Variants in GALNT11 observed in about 807,000 individuals in gnomAD.
The protein encoded by GALNT11 is polypeptide N-acetylgalactosaminyltransferase 11, also known as UDP-GalNAc:polypeptide N-acetylgalactosaminyltransferase 11.
GALNT11 carries 47 observed loss-of-function variants against 72.7 expected under a neutral mutation model. That is an observed-to-expected ratio of 0.65 (90% CI 0.51 to 0.82). GALNT11 has a LOEUF of 0.82. Ranked by LOEUF, GALNT11 falls within the 40% of genes least tolerant of loss-of-function variation. The probability of loss-of-function intolerance (pLI) is 0.00; values close to 1 mark genes in which losing one functional copy is unlikely to be tolerated. For synonymous variants in GALNT11, 270 were observed against 286.6 expected (o/e 0.94, Z 0.58); for missense variants, 677 against 778.4 (o/e 0.87, Z 1.55).
chr7:152,105,606 C>T (rs1383991460), intron 5 of GALNT11, among the ~76,000 whole-genome samples: 1 of 152,226 alleles, frequency 6.6e-6, no homozygotes, highest in Non-Finnish European at 1.5e-5. Context: ...ATTTTCATAG[C>T]AACCCTTCTT....
intron 2 of GALNT11, among the ~76,000 whole-genome samples, chr7:152,099,545 T>TG (rs1374735457): frequency 7.4e-6 from 1 of 135,068 alleles, no homozygotes; most frequent in African/African-American, 2.8e-5. Flanking sequence ...TTTTTTTTTT[T>TG]TTTTTTTTTT....
intron 1 of GALNT11, among the ~76,000 whole-genome samples, chr7:152,083,961 T>C (rs1178152109): frequency 6.6e-6 from 1 of 152,216 alleles, no homozygotes; most frequent in Non-Finnish European, 1.5e-5. Flanking sequence ...TTGATATTCA[T>C]AAATGAGACT....
chr7:152,066,533 C>G (rs181040017), intron 1 of GALNT11, among the ~76,000 whole-genome samples: 1 of 152,216 alleles, frequency 6.6e-6, no homozygotes, highest in Non-Finnish European at 1.5e-5. Context: ...GCGTCACTCA[C>G]GCTGGGAGCT....
chr7:152,100,121 C>G (rs903854556), intron 2 of GALNT11, among the ~76,000 whole-genome samples: 1 of 151,748 alleles, frequency 6.6e-6, no homozygotes, highest in African/African-American at 2.4e-5. Flanking sequence ...TCGCCTTTTT[C>G]TGGGGAGGGA....
At chr7:152,079,000 G>A (rs749700755) in intron 1 of GALNT11, among the ~76,000 whole-genome samples, 8 of 151,984 alleles carry the variant, frequency 5.3e-5, no homozygotes, top group Non-Finnish European at 8.8e-5. Context: ...CTCCCTTGCC[G>A]ACTGGGAAGA....
intron 1 of GALNT11, among the ~76,000 whole-genome samples, chr7:152,051,480 T>G (rs2083404973): frequency 6.6e-6 from 1 of 152,144 alleles, no homozygotes; most frequent in South Asian, 2.1e-4. Flanking sequence ...GTTTTGCTTA[T>G]TTTTAGCATC....
chr7:152,029,496 C>G (rs887326385), intron 1 of GALNT11, among the ~76,000 whole-genome samples: 2 of 152,170 alleles, frequency 1.3e-5, no homozygotes, highest in Admixed American at 1.3e-4. Context: ...ACACTGTTAA[C>G]TTTTAGCAAA....
intron 1 of GALNT11, among the ~76,000 whole-genome samples, chr7:152,047,687 C>CGTGT (rs141152865): frequency 0.033 from 4,904 of 147,100 alleles, 255 homozygotes; most frequent in African/African-American, 0.12. Flanking sequence ...ACAGTGACAC[C>CGTGT]GTGTGTGTGT....
chr7:152,087,038 T>C (rs762347535), intron 1 of GALNT11, among the ~76,000 whole-genome samples: 6 of 151,270 alleles, frequency 4.0e-5, no homozygotes, highest in Non-Finnish European at 7.4e-5. Flanking sequence ...TTTTTTCATT[T>C]ATTAACAAAT....
At chr7:152,120,383 A>T (rs1180978025) in intron 10 of GALNT11, 1 of 177,678 alleles carries the variant, frequency 5.6e-6, no homozygotes, top group Non-Finnish European at 1.2e-5. Flanking sequence ...CATGTCACCC[A>T]GTTGTGTTCC....
chr7:152,058,520 G>A (rs1423470996), intron 1 of GALNT11, among the ~76,000 whole-genome samples: 3 of 152,008 alleles, frequency 2.0e-5, no homozygotes, highest in African/African-American at 7.2e-5. Context: ...ATTTTTAGTA[G>A]AGATGGGGTT....
At chr7:152,030,183 G>T (rs1028687134) in intron 1 of GALNT11, among the ~76,000 whole-genome samples, 1 of 152,090 alleles carries the variant, frequency 6.6e-6, no homozygotes, top group East Asian at 1.9e-4. Flanking sequence ...AAACTCCCAC[G>T]GGGAAAGGGA....
In GALNT11 at chr7:152,025,797, C is replaced by T. The variant is rs1481460650; in HGVS notation, c.-126C>T. 2 of 208,754 alleles carry T rather than the reference C, an allele frequency of 9.6e-6. No individual in the cohort carries two copies. The highest frequency in any genetic ancestry group is 2.1e-5 in the Non-Finnish European group (2 of 95,526). The allele number at this position is 208,754 out of a possible 1,614,324, so 12.9% of individuals were successfully genotyped here. A position where few individuals can be genotyped will look rare whatever the true frequency, so the allele number is the denominator to read the frequency against. ...CCGGGGCAGTTCAGCCCGCGCCGCT[C>T]CTGCGGGTCGGACTGGGGCTGTGGC... On this transcript the variant is annotated 5_prime_UTR_variant, in exon 1 of 12. Coordinates refer to ENST00000430044, the MANE Select transcript of GALNT11 (RefSeq NM_022087.4).
chr7:152,074,688 G>A (rs1344579965), intron 1 of GALNT11, among the ~76,000 whole-genome samples: 1 of 152,176 alleles, frequency 6.6e-6, no homozygotes, highest in Admixed American at 6.5e-5. Flanking sequence ...CTGGAATCTG[G>A]TTAAATCTCA....
intron 1 of GALNT11, among the ~76,000 whole-genome samples, chr7:152,056,268 A>G (rs559128626): frequency 1.7e-4 from 26 of 152,320 alleles, no homozygotes; most frequent in African/African-American, 5.8e-4. Flanking sequence ...TTTGTTTTTG[A>G]GGACTGTTCT....
At chr7:152,098,151 A>G (rs1291540749) in intron 2 of GALNT11, among the ~76,000 whole-genome samples, 3 of 152,276 alleles carry the variant, frequency 2.0e-5, no homozygotes, top group East Asian at 3.9e-4. Flanking sequence ...ATGAAAAGGT[A>G]TATTTGAGAA....
chr7:152,085,798 C>T (rs1336869860), intron 1 of GALNT11, among the ~76,000 whole-genome samples: 1 of 152,118 alleles, frequency 6.6e-6, no homozygotes, highest in African/African-American at 2.4e-5. Context: ...ACTGCAACCT[C>T]TGCCTCCTGG....
In GALNT11 at chr7:152,080,498, A is replaced by T. The variant is rs536763015; in HGVS notation, c.-38-13692A>T. Among the ~76,000 whole-genome samples the T allele has an allele frequency of 1.2e-4, 18 of 152,340 alleles. 1 individual carries two copies. In the South Asian group the frequency reaches 3.7e-3, roughly 32 times the overall value. ...AACCTGAGTCTATTAATTTTTTGGT[A>T]GTTGCCAAAAGCAGTATAGCATTTT... On this transcript the variant is annotated intron_variant, in intron 1 of 11. Transcript: ENST00000430044.
At chr7:152,061,665 A>G (rs2128999390) in intron 1 of GALNT11, among the ~76,000 whole-genome samples, 1 of 152,188 alleles carries the variant, frequency 6.6e-6, no homozygotes, top group East Asian at 1.9e-4. Context: ...GGTGTAAGGA[A>G]GGGATCCAGT....
Sources: allele counts gnomAD v4.1 joint callset (sites outside exome capture counted in the v4.1 genomes callset), GRCh38; gene constraint gnomAD v4.1.1; transcripts MANE v1.5; gene names NCBI Gene and HGNC (gene_info 2026-07-23, HGNC 2026-07-21).